Variants in SEMA3C observed in about 807,000 individuals in gnomAD.
SEMA3C encodes semaphorin-3C.
Under a neutral mutation model 89.4 loss-of-function variants are expected in SEMA3C, and 47 were observed. That is an observed-to-expected ratio of 0.53 (90% CI 0.42 to 0.67). The LOEUF is 0.67. Among genes scored for constraint, SEMA3C ranks in the 30% least tolerant of loss-of-function variants. The pLI is 0.00. For synonymous variants in SEMA3C, 310 were observed against 320.2 expected, an observed-to-expected ratio of 0.97 and a Z score of 0.34; for missense variants, 839 against 929.1, an observed-to-expected ratio of 0.90 and a Z score of 1.26.
chr7:80,905,728 C>T (rs2116217407), intron 2 of SEMA3C: 1 of 570,602 alleles, frequency 1.8e-6, no homozygotes, highest in Non-Finnish European at 3.0e-6. Context: ...ATAATTTTTG[C>T]TTTTAAAATG....
At chr7:80,894,434 T>A (rs1224227089) in intron 2 of SEMA3C, among the ~76,000 whole-genome samples, 1 of 152,172 alleles carries the variant, frequency 6.6e-6, no homozygotes, top group Non-Finnish European at 1.5e-5. Flanking sequence ...AGTTTTTCAA[T>A]ATTACAAGAA....
chr7:80,870,180 G>A (rs1791022487), intron 2 of SEMA3C, among the ~76,000 whole-genome samples: 1 of 152,072 alleles, frequency 6.6e-6, no homozygotes, highest in Non-Finnish European at 1.5e-5. Context: ...AGATTACCCA[G>A]GGCCTTCTTT....
intron 2 of SEMA3C, among the ~76,000 whole-genome samples, chr7:80,875,172 C>G (rs914740758): frequency 6.6e-6 from 1 of 151,670 alleles, no homozygotes; most frequent in African/African-American, 2.4e-5. Context: ...ATTGTACATA[C>G]TAAGTGTTCA....
intron 2 of SEMA3C, among the ~76,000 whole-genome samples, chr7:80,900,470 C>T (rs1791852324): frequency 6.6e-6 from 1 of 152,082 alleles, no homozygotes; most frequent in Non-Finnish European, 1.5e-5. Context: ...CACATATTAC[C>T]TAATTTAATA....
chr7:80,785,617 A>T (rs1330190863), intron 12 of SEMA3C, among the ~76,000 whole-genome samples: 1 of 152,156 alleles, frequency 6.6e-6, no homozygotes, highest in Non-Finnish European at 1.5e-5. Flanking sequence ...AGGAAGAGAG[A>T]ACTCTCTTTG....
chr7:80,782,926 AT>A (rs1243207634), intron 12 of SEMA3C, among the ~76,000 whole-genome samples: 1 of 152,210 alleles, frequency 6.6e-6, no homozygotes, highest in Non-Finnish European at 1.5e-5. Flanking sequence ...GTAATAAAAT[AT>A]TTTAGAAATC....
At chr7:80,842,880 CT>C in intron 2 of SEMA3C, among the ~76,000 whole-genome samples, 1 of 152,234 alleles carries the variant, frequency 6.6e-6, no homozygotes, top group South Asian at 2.1e-4. Context: ...GACATATAAA[CT>C]GTATTCCCTA....
At chr7:80,878,161 T>C (rs112821029) in intron 2 of SEMA3C, among the ~76,000 whole-genome samples, 4,902 of 152,274 alleles carry the variant, frequency 0.032, 230 homozygotes, top group African/African-American at 0.11. Flanking sequence ...GCGGATCACC[T>C]GAGGTCGGGA....
chr7:80,876,108 G>A (rs915630768), intron 2 of SEMA3C, among the ~76,000 whole-genome samples: 1 of 152,028 alleles, frequency 6.6e-6, no homozygotes, highest in Non-Finnish European at 1.5e-5. Flanking sequence ...CACCATGCAC[G>A]GTCTCAGGCA....
At position 80,744,898 on chromosome 7, in the gene SEMA3C, G is replaced by T; in HGVS notation, c.2252C>A (p.Ser751Ter). 1 of 1,613,930 alleles carries T rather than the reference G, an allele frequency of 6.2e-7. No homozygotes were observed. The highest frequency in any genetic ancestry group is 1.1e-5 in the South Asian group (1 of 91,072). The change falls in exon 18 of 18, where the codon TCA (serine) becomes TAA (stop). Residue 751 changes from serine to a stop codon, truncating the protein, a stop_gained. Transcript: ENST00000265361. LOFTEE classifies it high-confidence loss of function. Reference protein sequence around the residue: ...SRNRRNQLPES With the variant: ...SRNRRNQLPE ...TAAGACCCACATAAGAAAATATTAT[G>T]ACTCTGGCAACTGATTCCTCCTGTT...
At position 80,800,148 on chromosome 7, in the gene SEMA3C, A is replaced by G. The variant is rs1486664185; in HGVS notation, c.986+609T>C. Among the ~76,000 whole-genome samples the G allele has an allele frequency of 3.4e-5, 5 of 146,056 alleles. No individual in the cohort carries two copies. In the East Asian group the frequency reaches 1.0e-3, roughly 30 times the overall value. ...AGCCTGGGCAACAGAGCGAGACTCC[A>G]TCTCAAAAAAAAAAAAAAAAAAGAC... is the stretch of plus-strand genomic sequence containing the variant. On this transcript the variant is annotated intron_variant, in intron 10 of 17. Transcript: ENST00000265361.
At chr7:80,799,068 T>C (rs975447450) in intron 10 of SEMA3C, among the ~76,000 whole-genome samples, 2 of 152,222 alleles carry the variant, frequency 1.3e-5, no homozygotes, top group Non-Finnish European at 1.5e-5. Flanking sequence ...AATCGTTTTA[T>C]TGAAAACAAC....
At chr7:80,846,059 G>T (rs1284637849) in intron 2 of SEMA3C, among the ~76,000 whole-genome samples, 4 of 152,044 alleles carry the variant, frequency 2.6e-5, no homozygotes, top group African/African-American at 7.2e-5. Flanking sequence ...CAAATTCAGG[G>T]TGTCACTGAT....
chr7:80,860,831 T>A (rs769976405), intron 2 of SEMA3C, among the ~76,000 whole-genome samples: 18 of 152,162 alleles, frequency 1.2e-4, no homozygotes, highest in Non-Finnish European at 2.2e-4. Flanking sequence ...GTGTGGGGTT[T>A]GAAAAATTCT....
intron 4 of SEMA3C, among the ~76,000 whole-genome samples, chr7:80,820,040 T>TACC (rs1265153137): frequency 6.6e-6 from 1 of 150,524 alleles, no homozygotes; most frequent in South Asian, 2.1e-4. Flanking sequence ...CCCTGCTAGG[T>TACC]ACCATGTATG....
At chr7:80,863,437 A>G (rs1790822440) in intron 2 of SEMA3C, among the ~76,000 whole-genome samples, 1 of 151,956 alleles carries the variant, frequency 6.6e-6, no homozygotes, top group Non-Finnish European at 1.5e-5. Flanking sequence ...GCCGCTATGG[A>G]AAACAGTGTA....
intron 2 of SEMA3C, among the ~76,000 whole-genome samples, chr7:80,894,254 AAAG>A (rs1437118596): frequency 6.6e-6 from 1 of 152,146 alleles, no homozygotes; most frequent in Non-Finnish European, 1.5e-5. Flanking sequence ...CTCGATTTTT[AAAG>A]AATATAAAGA....
At chr7:80,902,679 A>G (rs2116203983) in intron 2 of SEMA3C, among the ~76,000 whole-genome samples, 1 of 152,342 alleles carries the variant, frequency 6.6e-6, no homozygotes, top group Non-Finnish European at 1.5e-5. Context: ...ACATCACACT[A>G]AAATAATATA....
intron 12 of SEMA3C, among the ~76,000 whole-genome samples, chr7:80,770,470 C>G (rs112982957): frequency 6.6e-6 from 1 of 152,180 alleles, no homozygotes; most frequent in Non-Finnish European, 1.5e-5. Context: ...ATGGTTACAG[C>G]GAAGCTGTCA....
Sources: allele counts gnomAD v4.1 joint callset (sites outside exome capture counted in the v4.1 genomes callset), GRCh38; gene constraint gnomAD v4.1.1; transcripts MANE v1.5; gene names NCBI Gene and HGNC (gene_info 2026-07-23, HGNC 2026-07-21).